DPP6: variants seen among roughly 807,000 people sequenced by gnomAD.
DPP6 encodes dipeptidyl peptidase like 6.
DPP6 carries 69 observed loss-of-function variants against 122.6 expected under a neutral mutation model. The observed-to-expected ratio is 0.56, with a 90% CI of 0.46 to 0.69. The LOEUF (loss-of-function observed/expected upper bound fraction) is 0.69. Among genes scored for constraint, DPP6 ranks in the 30% least tolerant of loss-of-function variants. The probability of loss-of-function intolerance (pLI) is 0.00; values close to 1 mark genes in which losing one functional copy is unlikely to be tolerated. For synonymous variants in DPP6, 418 were observed against 433.1 expected (o/e 0.97, Z 0.43); for missense variants, 928 against 1,116.9 (o/e 0.83, Z 2.41).
chr7:154,226,882 C>G (rs1438273636), intron 1 of DPP6, among the ~76,000 whole-genome samples: 1 of 152,124 alleles, frequency 6.6e-6, no homozygotes, highest in Non-Finnish European at 1.5e-5. Flanking sequence ...TTGAATCTCT[C>G]TTTTACACCT....
chr7:154,256,498 A>G (rs910056157), intron 1 of DPP6, among the ~76,000 whole-genome samples: 11 of 152,232 alleles, frequency 7.2e-5, no homozygotes, highest in African/African-American at 2.4e-5. Flanking sequence ...TTTCTTCCAA[A>G]TATCTTTAAA....
At chr7:153,926,177 A>T (rs1455333246) in intron 1 of DPP6, among the ~76,000 whole-genome samples, 1 of 152,188 alleles carries the variant, frequency 6.6e-6, no homozygotes, top group Non-Finnish European at 1.5e-5. Context: ...TTCCATCCTT[A>T]TCTCATCTGT....
At position 154,313,726 on chromosome 7, in the gene DPP6, C is replaced by CAT. The variant is rs1807165451; in HGVS notation, c.244-132487_244-132486insTA. Among the ~76,000 whole-genome samples, 4 of 28,250 alleles carry CAT rather than the reference C, an allele frequency of 1.4e-4. 1 individual carries two copies. Among genetic ancestry groups the CAT allele is most frequent in the African/African-American group, 3.9e-4 (3 of 7,720 alleles). The allele number at this position is 28,250 out of a possible 152,430, so 18.5% of individuals were successfully genotyped here. ...ATATATATATATATACACACACACG[C>CAT]ACGCACACACACACACACACACACA... On this transcript the variant is annotated intron_variant, in intron 1 of 25. Coordinates refer to ENST00000377770, the MANE Select transcript of DPP6 (RefSeq NM_130797.4).
intron 1 of DPP6, among the ~76,000 whole-genome samples, chr7:154,286,879 C>T (rs1425216887): frequency 6.6e-6 from 1 of 150,892 alleles, no homozygotes; most frequent in Non-Finnish European, 1.5e-5. Flanking sequence ...TATCTTGGCT[C>T]ATTGCGACCT....
At chr7:154,815,483 A>G (rs936507667) in intron 16 of DPP6, among the ~76,000 whole-genome samples, 1 of 152,168 alleles carries the variant, frequency 6.6e-6, no homozygotes, top group Non-Finnish European at 1.5e-5. Flanking sequence ...AGAGAACTGG[A>G]TTTTTCTCTT....
the DPP6 span, among the ~76,000 whole-genome samples, chr7:153,813,905 G>A: frequency 6.6e-6 from 1 of 152,076 alleles, no homozygotes; most frequent in Non-Finnish European, 1.5e-5. Flanking sequence ...TGAGTTCATT[G>A]TAGATTCTGG....
chr7:153,992,091 A>G (rs1797206456), intron 1 of DPP6, among the ~76,000 whole-genome samples: 1 of 152,020 alleles, frequency 6.6e-6, no homozygotes, highest in Admixed American at 6.5e-5. Context: ...GTGGAGCCTC[A>G]TGATTTGAAC....
intron 1 of DPP6, among the ~76,000 whole-genome samples, chr7:153,909,556 T>C (rs1381737344): frequency 6.6e-6 from 1 of 152,156 alleles, no homozygotes; most frequent in Non-Finnish European, 1.5e-5. Context: ...CCTCCTCATT[T>C]CCTCTTAAAA....
intron 5 of DPP6, among the ~76,000 whole-genome samples, chr7:154,592,252 A>G (rs79794959): frequency 0.011 from 1,616 of 152,330 alleles, 13 homozygotes; most frequent in Non-Finnish European, 0.015. Context: ...GGCTTAAGAC[A>G]CTGCTTATCT....
chr7:154,298,126 A>G (rs1337124733), intron 1 of DPP6, among the ~76,000 whole-genome samples: 2 of 152,172 alleles, frequency 1.3e-5, no homozygotes, highest in Non-Finnish European at 1.5e-5. Context: ...CAGGGAGGAA[A>G]GGATTCTGCC....
At chr7:153,802,666 A>G in the DPP6 span, among the ~76,000 whole-genome samples, 118 of 152,264 alleles carry the variant, frequency 7.7e-4, no homozygotes, top group Non-Finnish European at 1.2e-3. Context: ...TCCCTTGCCT[A>G]TTCGGGAAAT....
At chr7:154,493,898 A>C (rs1420441023) in intron 3 of DPP6, among the ~76,000 whole-genome samples, 1 of 152,212 alleles carries the variant, frequency 6.6e-6, no homozygotes, top group African/African-American at 2.4e-5. Flanking sequence ...CCAATTTTAT[A>C]GATCCTTTCA....
intron 3 of DPP6, among the ~76,000 whole-genome samples, chr7:154,504,275 A>G (rs1392264830): frequency 1.3e-5 from 2 of 152,206 alleles, no homozygotes; most frequent in South Asian, 2.1e-4. Context: ...AGATGTGTAT[A>G]TTGTACATGT....
chr7:154,264,588 C>T (rs1803250742), intron 1 of DPP6, among the ~76,000 whole-genome samples: 1 of 151,934 alleles, frequency 6.6e-6, no homozygotes, highest in Admixed American at 6.6e-5. Context: ...TGAAGAGGGC[C>T]CGCATTGGTA....
At chr7:154,542,769 C>T (rs1368353652) in intron 4 of DPP6, among the ~76,000 whole-genome samples, 1 of 152,152 alleles carries the variant, frequency 6.6e-6, no homozygotes, top group Non-Finnish European at 1.5e-5. Context: ...TTTAAATGCT[C>T]CTGTCAACAG....
At chr7:154,119,966 T>C (rs897342234) in intron 1 of DPP6, among the ~76,000 whole-genome samples, 26 of 151,772 alleles carry the variant, frequency 1.7e-4, no homozygotes, top group African/African-American at 5.6e-4. Flanking sequence ...TGACTTGCAG[T>C]GAGTCCAGGG....
At chr7:154,687,889 G>C (rs776234859) in intron 7 of DPP6, among the ~76,000 whole-genome samples, 1 of 152,136 alleles carries the variant, frequency 6.6e-6, no homozygotes, top group Non-Finnish European at 1.5e-5. Flanking sequence ...CTTTCCCTAG[G>C]AATAATCAAT....
At chr7:154,119,987 A>C (rs558379758) in intron 1 of DPP6, among the ~76,000 whole-genome samples, 30 of 151,560 alleles carry the variant, frequency 2.0e-4, no homozygotes, top group African/African-American at 5.8e-4. Flanking sequence ...CCACCATGCG[A>C]TGCTGTACCC....
chr7:154,475,339 G>A (rs778230993), intron 3 of DPP6: 112 of 380,176 alleles, frequency 2.9e-4, no homozygotes, highest in Non-Finnish European at 5.1e-4. Context: ...TTCTCCGGGG[G>A]AGCTGTGGGG....
Sources: allele counts gnomAD v4.1 joint callset (sites outside exome capture counted in the v4.1 genomes callset), GRCh38; gene constraint gnomAD v4.1.1; transcripts MANE v1.5; gene names NCBI Gene and HGNC (gene_info 2026-07-23, HGNC 2026-07-21).